The following SH3PXD2A variants were observed in gnomAD, a reference collection of about 807,000 sequenced individuals.
SH3PXD2A encodes the protein SH3 and PX domains 2A, also known as SH3 and PX domain-containing protein 2A.
A neutral mutation model predicts 115.2 loss-of-function variants in SH3PXD2A; 32 were observed. The ratio of observed to expected loss-of-function variants is 0.28; its 90% CI spans 0.21 to 0.37. The LOEUF (loss-of-function observed/expected upper bound fraction) is 0.37. Ranked by LOEUF, SH3PXD2A falls within the 10% of genes least tolerant of loss-of-function variation. SH3PXD2A has a pLI of 1.00. For synonymous variants in SH3PXD2A, 610 were observed against 629.1 expected (o/e 0.97, Z 0.45); for missense variants, 1,328 against 1,498.7 (o/e 0.89, Z 1.88).
rs2038500339 is a variant in SH3PXD2A at position 103,746,160 on chromosome 10, G to T, written c.230-10352C>A. The T allele has an allele frequency of 6.6e-6, 1 of 152,216 alleles. No individual in the cohort carries two copies. The highest frequency in any genetic ancestry group is 6.5e-5 in the Admixed American group (1 of 15,282). The allele number at this position is 152,216 out of a possible 1,614,324, so 9.4% of individuals were successfully genotyped here. Reference sequence around the variant, plus strand: ...AGTATCTTTCTCTCCCTCACCCCAGGTGGGTCAACTGGGATTTTATGGGTG... The same window carrying T: ...AGTATCTTTCTCTCCCTCACCCCAGTTGGGTCAACTGGGATTTTATGGGTG... On this transcript the variant is annotated intron_variant, in intron 3 of 14. Coordinates refer to ENST00000369774, the MANE Select transcript of SH3PXD2A (RefSeq NM_001394015.1). The surrounding 1 kb of genome is among the most constrained non-coding windows in gnomAD (Gnocchi z 4.4).
chr10:103,718,768 C>CAA (rs2038139782), intron 5 of SH3PXD2A, among the ~76,000 whole-genome samples: 1 of 143,900 alleles, frequency 6.9e-6, no homozygotes, highest in Admixed American at 6.8e-5. Context: ...AGGACACACA[C>CAA]ACACACACAC....
rs1259907379 is a variant in SH3PXD2A, at chr10:103,608,160, A to AAAAAAAAGTTTAC, written c.1309-2244_1309-2243insGTAAACTTTTTTT. ...CAAGAATGATCAATTTAAAAAAAAAAAAAAAAAAAAGAACACAGGACAGAG... is the reference window on the plus strand; with the variant it reads ...CAAGAATGATCAATTTAAAAAAAAAAAAAAAAAGTTTACAAAAAAAAAAGAACACAGGACAGAG... On this transcript the variant is annotated intron_variant, in intron 13 of 14. Coordinates refer to ENST00000369774, the MANE Select transcript of SH3PXD2A (RefSeq NM_001394015.1). Among the ~76,000 whole-genome samples, 4 of 145,444 alleles carry AAAAAAAAGTTTAC rather than the reference A, an allele frequency of 2.8e-5. 1 individual carries two copies. The highest frequency in any genetic ancestry group is 4.4e-4 in the South Asian group (2 of 4,500).
chr10:103,697,750 C>T (rs946296956), intron 5 of SH3PXD2A, among the ~76,000 whole-genome samples: 2 of 152,216 alleles, frequency 1.3e-5, no homozygotes, highest in Non-Finnish European at 1.5e-5. Flanking sequence ...TGGCCAGACA[C>T]GCTGTGCTCC....
At chr10:103,683,565 G>A (rs897142802) in intron 6 of SH3PXD2A, among the ~76,000 whole-genome samples, 6 of 152,158 alleles carry the variant, frequency 3.9e-5, no homozygotes, top group Non-Finnish European at 7.3e-5. Context: ...GGGAGGATGA[G>A]GTGGGAAGAT....
chr10:103,792,078 G>A (rs1456232386), intron 2 of SH3PXD2A, among the ~76,000 whole-genome samples: 1 of 152,180 alleles, frequency 6.6e-6, no homozygotes, highest in East Asian at 1.9e-4. Context: ...GCTCCCAGGT[G>A]GAGCGGAGCC....
At chr10:103,603,879 G>T in intron 14 of SH3PXD2A, 90 bp from the exon 15 acceptor site, 1 of 1,364,272 alleles carries the variant, frequency 7.3e-7, no homozygotes, top group South Asian at 1.6e-5. Flanking sequence ...TTGGCTCTGG[G>T]ATAAATTATC....
intron 8 of SH3PXD2A, among the ~76,000 whole-genome samples, chr10:103,644,114 C>CAAAA (rs71019685): frequency 1.4e-5 from 1 of 72,270 alleles, no homozygotes; most frequent in Non-Finnish European, 2.4e-5. Context: ...GGCTCCATCC[C>CAAAA]AAAAAAAAAA....
intron 6 of SH3PXD2A, among the ~76,000 whole-genome samples, chr10:103,671,074 G>A (rs1055089025): frequency 8.5e-5 from 13 of 152,194 alleles, no homozygotes; most frequent in African/African-American, 3.1e-4. Context: ...TCTACTTTGG[G>A]TTCCTTTTGG....
chr10:103,852,613 G>A (rs1385331816), intron 1 of SH3PXD2A, among the ~76,000 whole-genome samples: 1 of 152,196 alleles, frequency 6.6e-6, no homozygotes, highest in East Asian at 1.9e-4. Context: ...GACCACACCA[G>A]AGGGCCTTAC....
At chr10:103,668,997 T>A (rs2037422971) in intron 6 of SH3PXD2A, among the ~76,000 whole-genome samples, 1 of 152,226 alleles carries the variant, frequency 6.6e-6, no homozygotes, top group African/African-American at 2.4e-5. Flanking sequence ...ACCCTTCCTT[T>A]CTGGCCATGT....
rs144284476 is a variant in SH3PXD2A, at chr10:103,740,249, G to A, written c.230-4441C>T. On this transcript the variant is annotated intron_variant, in intron 3 of 14. Coordinates refer to ENST00000369774, the MANE Select transcript of SH3PXD2A (RefSeq NM_001394015.1). The stretch of plus-strand genomic sequence containing the variant: ...AGAAAGGTTGAAGGACCTGTCCAAA[G>A]TCACACAGCTATCTAGTGGCTGAGC... Among the ~76,000 whole-genome samples the A allele has an allele frequency of 1.3e-3, 196 of 152,320 alleles. 1 individual carries two copies. The South Asian group carries it at 0.013, about 10-fold the overall frequency.
At chr10:103,794,206 G>C (rs1735773678) in intron 2 of SH3PXD2A, among the ~76,000 whole-genome samples, 1 of 152,198 alleles carries the variant, frequency 6.6e-6, no homozygotes, top group African/African-American at 2.4e-5. Flanking sequence ...AGAGTCTGGA[G>C]AGATGAATAA....
At chr10:103,607,054 G>A (rs868747438) in intron 13 of SH3PXD2A, among the ~76,000 whole-genome samples, 58 of 151,428 alleles carry the variant, frequency 3.8e-4, no homozygotes, top group Admixed American at 1.1e-3. Context: ...AGTGAGGAGC[G>A]CCTCTTCCCG....
chr10:103,837,046 A>G (rs981427218), intron 1 of SH3PXD2A, among the ~76,000 whole-genome samples: 3 of 152,206 alleles, frequency 2.0e-5, no homozygotes, highest in African/African-American at 7.2e-5. Flanking sequence ...GCAAGTCTAC[A>G]TAAGGCCGGG....
At chr10:103,771,972 G>C (rs1278614289) in intron 2 of SH3PXD2A, among the ~76,000 whole-genome samples, 1 of 152,134 alleles carries the variant, frequency 6.6e-6, no homozygotes, top group East Asian at 1.9e-4. Context: ...CTCTCCGTCA[G>C]TCATCCCCCA....
intron 6 of SH3PXD2A, among the ~76,000 whole-genome samples, chr10:103,680,966 G>A (rs773161259): frequency 9.2e-5 from 14 of 152,128 alleles, no homozygotes; most frequent in Non-Finnish European, 1.6e-4. Flanking sequence ...TTTTTCCGCC[G>A]GCTTTGTCAT....
At chr10:103,799,258 C>T (rs1237189995) in intron 2 of SH3PXD2A, among the ~76,000 whole-genome samples, 2 of 152,154 alleles carry the variant, frequency 1.3e-5, no homozygotes, top group East Asian at 1.9e-4. Flanking sequence ...CTATAGGATC[C>T]GCCATACCAA....
chr10:103,817,651 G>A (rs6584575), intron 1 of SH3PXD2A, among the ~76,000 whole-genome samples: 21,692 of 151,908 alleles, frequency 0.14, 2,178 homozygotes, highest in African/African-American at 0.28. Flanking sequence ...TGTGTTCATA[G>A]GTTCTTATTT....
chr10:103,710,263 T>C (rs751153758), intron 5 of SH3PXD2A, among the ~76,000 whole-genome samples: 3 of 151,938 alleles, frequency 2.0e-5, no homozygotes, highest in Admixed American at 6.6e-5. Flanking sequence ...GCATCACCTG[T>C]AGTTGGGAGG....
Sources: allele counts gnomAD v4.1 joint callset (sites outside exome capture counted in the v4.1 genomes callset), GRCh38; gene constraint gnomAD v4.1.1; non-coding constraint Gnocchi (gnomAD v3.1); transcripts MANE v1.5; gene names NCBI Gene and HGNC (gene_info 2026-07-23, HGNC 2026-07-21).